Variants in MKLN1 observed in about 807,000 individuals in gnomAD.
The protein encoded by MKLN1 is muskelin.
MKLN1 carries 18 observed loss-of-function variants against 99.0 expected under a neutral mutation model. The observed-to-expected ratio is 0.18, with a 90% CI of 0.13 to 0.27. The LOEUF (loss-of-function observed/expected upper bound fraction) is 0.27, where lower values mean the gene tolerates loss of function less well. Among genes scored for constraint, MKLN1 ranks in the 10% least tolerant of loss-of-function variants. The probability of loss-of-function intolerance (pLI) is 1.00; values close to 1 mark genes in which losing one functional copy is unlikely to be tolerated. For synonymous variants in MKLN1, 288 were observed against 293.2 expected (o/e 0.98, Z 0.18); for missense variants, 621 against 875.9 (o/e 0.71, Z 3.67).
At chr7:131,381,974 G>T (rs1040239468) in intron 2 of MKLN1, among the ~76,000 whole-genome samples, 1 of 152,156 alleles carries the variant, frequency 6.6e-6, no homozygotes, top group South Asian at 2.1e-4. Context: ...CTTGATTTCT[G>T]TTGTATGAAT....
rs1262738184 is a variant in MKLN1, at chr7:131,443,482, T to C, written c.1175T>C (p.Met392Thr). ...CAATCTGTTGCCTTGTTCTGATAGA[T>C]GTGTATGGACTCAGAAAAACATATG... ...GGPKLVFDHQ[M>T]CMDSEKHMIY... The change falls in exon 11 of 18, where the codon ATG becomes ACG. Residue 392 changes from methionine (M) to threonine (T), a missense_variant and splice_region_variant. By Grantham distance (81) the Met-to-Thr change is moderately conservative. Transcript: ENST00000352689. 6.2e-7 allele frequency: 1 copy of C among 1,602,634 alleles called. No homozygotes were observed.
intron 3 of MKLN1, among the ~76,000 whole-genome samples, chr7:131,251,093 ATGTGTGTGTG>A (rs34359037): frequency 0.11 from 15,440 of 146,204 alleles, 838 homozygotes; most frequent in Middle Eastern, 0.12. Flanking sequence ...TGGGGCCCAG[ATGTGTGTGTG>A]TGTGTGTGTG....
chr7:131,222,776 G>T (rs918875772), intron 3 of MKLN1, among the ~76,000 whole-genome samples: 2 of 151,746 alleles, frequency 1.3e-5, no homozygotes, highest in Non-Finnish European at 2.9e-5. Flanking sequence ...CAACATTTTG[G>T]GAGGCCAAGG....
intron 3 of MKLN1, among the ~76,000 whole-genome samples, chr7:131,277,615 C>T (rs912566332): frequency 6.6e-5 from 10 of 152,046 alleles, no homozygotes; most frequent in East Asian, 1.9e-4. Flanking sequence ...CAGGTTTCAC[C>T]GTGTTGGCCA....
intron 2 of MKLN1, among the ~76,000 whole-genome samples, chr7:131,198,691 T>G (rs955749975): frequency 1.3e-5 from 2 of 152,338 alleles, no homozygotes; most frequent in Non-Finnish European, 2.9e-5. Context: ...GGTAGAAGAC[T>G]GTGAACTATA....
At chr7:131,479,427 G>A (rs185277767) in intron 17 of MKLN1, among the ~76,000 whole-genome samples, 74 of 152,246 alleles carry the variant, frequency 4.9e-4, no homozygotes, top group Non-Finnish European at 8.8e-4. Context: ...CTACCTAGGA[G>A]GTTGAAGTGG....
chr7:131,220,215 T>C lies in MKLN1; in HGVS notation c.-179+17241T>C, dbSNP rs1022325036. ...TCATTTATTATTCCAATGAAAACTA[T>C]TTACAAGTTAATTTCTAGTCCCCAT... On this transcript the variant is annotated intron_variant, in intron 3 of 7. Coordinates refer to the MKLN1 transcript ENST00000416992. Among the ~76,000 whole-genome samples, 11 of 152,192 alleles carry C rather than the reference T, an allele frequency of 7.2e-5. No individual in the cohort carries two copies. The South Asian group carries it at 2.3e-3, about 32-fold the overall frequency.
In MKLN1 at chr7:131,152,616, T is replaced by C. The variant is rs368555339; in HGVS notation, c.-297+9675T>C. Among the ~76,000 whole-genome samples the C allele has an allele frequency of 3.8e-4, 58 of 151,522 alleles. 1 individual carries two copies. The highest frequency in any genetic ancestry group is 1.2e-3 in the African/African-American group (50 of 41,346). On this transcript the variant is annotated intron_variant, in intron 2 of 7. Coordinates refer to the MKLN1 transcript ENST00000416992. ...CTGGGGTCAAGCGATTCTCCTGCCT[T>C]AGCCTCCCGAGTAGCTGAGATTACA... is the stretch of plus-strand genomic sequence containing the variant.
At chr7:131,177,532 CTATT>C (rs958292627) in intron 2 of MKLN1, among the ~76,000 whole-genome samples, 3 of 150,486 alleles carry the variant, frequency 2.0e-5, no homozygotes, top group Non-Finnish European at 4.4e-5. Context: ...GGTTTTTATG[CTATT>C]TACTAATCAC....
intron 11 of MKLN1, among the ~76,000 whole-genome samples, chr7:131,444,757 T>TAGA (rs201603814): frequency 3.2e-5 from 2 of 63,228 alleles, no homozygotes; most frequent in Admixed American, 1.4e-4. Flanking sequence ...GTAGTAGTAG[T>TAGA]AGAAGAAGTA....
At chr7:131,386,921 A>G (rs1415249683) in intron 2 of MKLN1, among the ~76,000 whole-genome samples, 199 bp from the exon 3 acceptor site, 1 of 152,148 alleles carries the variant, frequency 6.6e-6, no homozygotes, top group Non-Finnish European at 1.5e-5. Flanking sequence ...TTTGGGATCT[A>G]CTGGCGTGAA....
intron 2 of MKLN1, among the ~76,000 whole-genome samples, chr7:131,181,063 CTG>C (rs1352872313): frequency 1.3e-5 from 2 of 152,274 alleles, no homozygotes; most frequent in African/African-American, 4.8e-5. Flanking sequence ...ATAATTAATT[CTG>C]CAGTTGGACG....
Position 131,220,746 on chromosome 7 carries a change from G to A in MKLN1, c.-179+17772G>A, listed in dbSNP as rs188683169. On this transcript the variant is annotated intron_variant, in intron 3 of 7. Coordinates refer to the MKLN1 transcript ENST00000416992. ...TAGAGGTCTAAAAAACATCTTAAGT[G>A]ATCCTTAAACAAAAGCCTTATGATT... Among the ~76,000 whole-genome samples, 24 of 152,198 alleles carry A rather than the reference G, an allele frequency of 1.6e-4. No homozygotes were observed. The South Asian group carries it at 2.7e-3, about 17-fold the overall frequency.
chr7:131,318,280 T>C (rs185141659), intron 3 of MKLN1, among the ~76,000 whole-genome samples: 1 of 152,264 alleles, frequency 6.6e-6, no homozygotes, highest in African/African-American at 2.4e-5. Flanking sequence ...TGCAATTAAA[T>C]TAGAACTCAG....
At chr7:131,163,827 G>T (rs957606517) in intron 2 of MKLN1, among the ~76,000 whole-genome samples, 1 of 152,160 alleles carries the variant, frequency 6.6e-6, no homozygotes, top group Admixed American at 6.6e-5. Context: ...TAAATGCTAT[G>T]ACAATTTTAT....
At chr7:131,155,616 T>C (rs1284863348) in intron 2 of MKLN1, among the ~76,000 whole-genome samples, 16 of 152,138 alleles carry the variant, frequency 1.1e-4, no homozygotes, top group Admixed American at 1.0e-3. Flanking sequence ...GTACCTTCTA[T>C]ATACAACTGA....
At chr7:131,128,896 ATTTTTTTT>A (rs59954758) in intron 1 of MKLN1, among the ~76,000 whole-genome samples, 5 of 120,200 alleles carry the variant, frequency 4.2e-5, no homozygotes, top group East Asian at 2.6e-4. Context: ...CACCTCACCT[ATTTTTTTT>A]TTTTTTTTTT....
chr7:131,300,516 A>C (rs1798360702), intron 3 of MKLN1, among the ~76,000 whole-genome samples: 1 of 55,492 alleles, frequency 1.8e-5, no homozygotes, highest in Non-Finnish European at 3.7e-5. Context: ...CACTGTCTCT[A>C]GTTAAAAAAA....
intron 1 of MKLN1, among the ~76,000 whole-genome samples, chr7:131,347,016 G>A (rs1799582393): frequency 6.6e-6 from 1 of 152,174 alleles, no homozygotes; most frequent in African/African-American, 2.4e-5. Flanking sequence ...AGCAGATGAT[G>A]CTCTTTGACT....
Sources: gnomAD v4.1 joint callset for allele counts (sites outside exome capture counted in the v4.1 genomes callset) on GRCh38, gnomAD v4.1.1 for gene constraint, MANE v1.5 for transcripts, NCBI Gene and HGNC (gene_info 2026-07-23, HGNC 2026-07-21) for gene names.